Variants in UGGT2 observed in about 807,000 individuals in gnomAD.
UGGT2 encodes UDP-glucose:glycoprotein glucosyltransferase 2.
In UGGT2, 180 loss-of-function variants were observed where a neutral mutation model predicts 192.1. That is an observed-to-expected ratio of 0.94 (90% CI 0.83 to 1.06). UGGT2 has a LOEUF of 1.06. Among genes scored for constraint, UGGT2 ranks in the 50% least tolerant of loss-of-function variants. The probability of loss-of-function intolerance (pLI) is 0.00; values close to 1 mark genes in which losing one functional copy is unlikely to be tolerated. For synonymous variants in UGGT2, 580 were observed against 591.0 expected, an observed-to-expected ratio of 0.98 and a Z score of 0.27; for missense variants, 1,849 against 1,795.7, an observed-to-expected ratio of 1.03 and a Z score of -0.54.
intron 29 of UGGT2, 74 bp from the exon 30 acceptor site, chr13:95,867,497 T>A: frequency 8.0e-7 from 1 of 1,255,002 alleles, no homozygotes; most frequent in Middle Eastern, 2.0e-4. Flanking sequence ...CAGAATAAAC[T>A]CATTTTGCAA....
chr13:95,891,296 CTT>C (rs1231785239), intron 24 of UGGT2, among the ~76,000 whole-genome samples: 2 of 152,012 alleles, frequency 1.3e-5, no homozygotes, highest in African/African-American at 2.4e-5. Context: ...AGCTAAGATG[CTT>C]TTGTGTTAGT....
At chr13:95,952,872 C>A (rs577295445) in intron 12 of UGGT2, among the ~76,000 whole-genome samples, 3 of 152,246 alleles carry the variant, frequency 2.0e-5, no homozygotes, top group Admixed American at 2.0e-4. Flanking sequence ...AGAGATTGAT[C>A]AAGAATGTAA....
chr13:95,965,358 T>C (rs1296303652), intron 12 of UGGT2, among the ~76,000 whole-genome samples: 1 of 150,752 alleles, frequency 6.6e-6, no homozygotes, highest in Admixed American at 6.6e-5. Flanking sequence ...CCAACAATGA[T>C]AGACTGGATT....
chr13:95,845,309 GC>G (rs1888283887), intron 36 of UGGT2, among the ~76,000 whole-genome samples: 1 of 147,424 alleles, frequency 6.8e-6, no homozygotes, highest in Non-Finnish European at 1.5e-5. Flanking sequence ...GTTTTCCTAG[GC>G]AGAGGGCCCT....
intron 8 of UGGT2, among the ~76,000 whole-genome samples, chr13:95,988,299 T>G (rs545882445): frequency 1.3e-5 from 2 of 152,292 alleles, no homozygotes; most frequent in South Asian, 4.1e-4. Context: ...TGATCAGGGA[T>G]GTACAAGTGA....
In UGGT2 at chr13:95,856,230, A is replaced by C; in HGVS notation, c.3936T>G (p.Gly1312=). Reference sequence around the variant, plus strand: ...GAACATCAAGGAAAAGAATTTTGTAACCCCAAATAATCCTCTGTCTTTCAG... The same window carrying C: ...GAACATCAAGGAAAAGAATTTTGTACCCCCAAATAATCCTCTGTCTTTCAG... The part of the protein sequence containing the change: ...QQTERQRIIW[G]YKILFLDVLF... Residue 1312 remains glycine, a synonymous_variant, in exon 34 of 39, where the codon GGT becomes GGG. Transcript: ENST00000376747. The C allele has an allele frequency of 6.2e-7, 1 of 1,613,628 alleles. No individual in the cohort carries two copies. Among genetic ancestry groups the C allele is most frequent in the Non-Finnish European group, 8.5e-7 (1 of 1,179,790 alleles).
intron 38 of UGGT2, among the ~76,000 whole-genome samples, chr13:95,807,400 G>C (rs1038962057): frequency 6.6e-6 from 1 of 152,092 alleles, no homozygotes. Flanking sequence ...GAAATACCTT[G>C]TAATTTCTGT....
intron 36 of UGGT2, among the ~76,000 whole-genome samples, chr13:95,841,954 T>A (rs1887911549): frequency 6.6e-6 from 1 of 152,202 alleles, no homozygotes; most frequent in African/African-American, 2.4e-5. Flanking sequence ...CTTTCCCCAT[T>A]AAGTTGTCTT....
At chr13:95,862,087 CCT>C (rs1216333185) in intron 31 of UGGT2, among the ~76,000 whole-genome samples, 1 of 152,084 alleles carries the variant, frequency 6.6e-6, no homozygotes, top group Non-Finnish European at 1.5e-5. Context: ...TTCATTATCC[CCT>C]GTCAAACATA....
intron 1 of UGGT2, among the ~76,000 whole-genome samples, chr13:96,037,725 A>T (rs1194422777): frequency 6.6e-6 from 1 of 152,144 alleles, no homozygotes; most frequent in Non-Finnish European, 1.5e-5. Context: ...TATTTTCCTT[A>T]AGTTCCTATC....
At chr13:95,830,605 C>G (rs1355720109) in intron 38 of UGGT2, among the ~76,000 whole-genome samples, 1 of 152,102 alleles carries the variant, frequency 6.6e-6, no homozygotes, top group East Asian at 1.9e-4. Context: ...GTTAGAATGG[C>G]AATCATTAAA....
In UGGT2 at chr13:95,900,928, T is replaced by G. The variant is rs751482542; in HGVS notation, c.2513A>C (p.Lys838Thr). 2 of 1,590,534 alleles carry G rather than the reference T, an allele frequency of 1.3e-6. No individual in the cohort carries two copies. The highest frequency in any genetic ancestry group is 1.7e-6 in the Non-Finnish European group (2 of 1,171,408). Residue 838 changes from lysine to threonine, a missense_variant, in exon 22 of 39, where the codon AAG (lysine) becomes ACG (threonine). Lys to Thr is a moderately conservative substitution (Grantham distance 78, BLOSUM62 -1). Coordinates refer to ENST00000376747, the MANE Select transcript of UGGT2 (RefSeq NM_020121.4). ...IKTFLIEGMDKNAFEKKYNTV... is the reference protein window; with the variant it reads ...IKTFLIEGMDTNAFEKKYNTV... ...ATTATATTTTTTCTCAAAAGCATTC[T>G]TATCCATCCCCTAAAGCAAAAGTTA...
chr13:95,926,848 A>T (rs1485335488), intron 19 of UGGT2, among the ~76,000 whole-genome samples, 180 bp downstream of exon 19: 1 of 152,220 alleles, frequency 6.6e-6, no homozygotes, highest in Non-Finnish European at 1.5e-5. Context: ...ACAAAGTTAG[A>T]ATAGAAGGCA....
intron 20 of UGGT2, among the ~76,000 whole-genome samples, chr13:95,907,946 T>A (rs1021637673): frequency 3.9e-5 from 6 of 152,084 alleles, no homozygotes; most frequent in African/African-American, 1.4e-4. Flanking sequence ...ATAACAAACT[T>A]CTCTGAGCTA....
At chr13:95,906,289 G>A (rs2048289068) in intron 20 of UGGT2, among the ~76,000 whole-genome samples, 1 of 151,834 alleles carries the variant, frequency 6.6e-6, no homozygotes, top group Non-Finnish European at 1.5e-5. Flanking sequence ...ATTAATTATT[G>A]GACATTGACT....
At chr13:95,925,454 T>C (rs554764437) in intron 20 of UGGT2, among the ~76,000 whole-genome samples, 101 of 152,284 alleles carry the variant, frequency 6.6e-4, no homozygotes, top group African/African-American at 2.4e-3. Flanking sequence ...GTATGTCTGA[T>C]CACAAGGACT....
chr13:96,051,520 C>G (rs928476648), intron 1 of UGGT2, among the ~76,000 whole-genome samples: 1 of 151,846 alleles, frequency 6.6e-6, no homozygotes, highest in Non-Finnish European at 1.5e-5. Context: ...AGCTTTTGCA[C>G]GGCAAAAGGA....
At chr13:95,891,045 T>C (rs2047787379) in intron 24 of UGGT2, 81 bp from the exon 25 acceptor site, 2 of 984,004 alleles carry the variant, frequency 2.0e-6, no homozygotes, top group Non-Finnish European at 2.9e-6. Context: ...TATATAATTC[T>C]TATAAATTGT....
chr13:95,851,408 G>T lies in UGGT2; in HGVS notation c.4284+2135C>A, dbSNP rs530867418. Among the ~76,000 whole-genome samples the T allele has an allele frequency of 2.6e-5, 4 of 152,318 alleles. No individual in the cohort carries two copies. In the South Asian group the frequency reaches 8.3e-4, roughly 32 times the overall value. On this transcript the variant is annotated intron_variant, in intron 36 of 38. Transcript: ENST00000376747. ...AACCATGATTGGCTGCAAGACTGCC[G>T]CTAGAGATGGTATGGAGTGAGAAGT...
Sources: gnomAD v4.1 joint callset for allele counts (sites outside exome capture counted in the v4.1 genomes callset) on GRCh38, gnomAD v4.1.1 for gene constraint, MANE v1.5 for transcripts, NCBI Gene and HGNC (gene_info 2026-07-23, HGNC 2026-07-21) for gene names.